The following RASAL2 variants were observed in gnomAD, a reference collection of about 807,000 sequenced individuals.
RASAL2 encodes the protein RAS protein activator like 2, also known as ras GTPase-activating protein nGAP.
In RASAL2, 58 loss-of-function variants were observed where a neutral mutation model predicts 128.9. That is an observed-to-expected ratio of 0.45 (90% CI 0.36 to 0.56). The LOEUF is 0.56. Ranked by LOEUF, RASAL2 falls within the 20% of genes least tolerant of loss-of-function variation. The probability of loss-of-function intolerance (pLI) is 0.00; values close to 1 mark genes in which losing one functional copy is unlikely to be tolerated. For synonymous variants in RASAL2, 561 were observed against 580.8 expected (o/e 0.97, Z 0.49); for missense variants, 1,360 against 1,601.6 (o/e 0.85, Z 2.57).
At chr1:178,181,494 A>G (rs1246334397) in intron 1 of RASAL2, among the ~76,000 whole-genome samples, 1 of 151,996 alleles carries the variant, frequency 6.6e-6, no homozygotes, top group Non-Finnish European at 1.5e-5. Context: ...AGTAGCTGGG[A>G]CTACAGGCAC....
At chr1:178,205,197 G>A (rs1349870021) in intron 1 of RASAL2, among the ~76,000 whole-genome samples, 1 of 152,036 alleles carries the variant, frequency 6.6e-6, no homozygotes, top group African/African-American at 2.4e-5. Context: ...TAGAGACTGG[G>A]TTTCACCATG....
At chr1:178,136,412 G>T (rs1462589119) in intron 1 of RASAL2, among the ~76,000 whole-genome samples, 1 of 152,078 alleles carries the variant, frequency 6.6e-6, no homozygotes, top group Non-Finnish European at 1.5e-5. Flanking sequence ...AAGATTAAAA[G>T]AAATTATGTG....
intron 3 of RASAL2, among the ~76,000 whole-genome samples, chr1:178,301,221 T>C (rs1667747200): frequency 6.6e-6 from 1 of 152,168 alleles, no homozygotes; most frequent in African/African-American, 2.4e-5. Flanking sequence ...AAGTCAGATT[T>C]TTCTCTCATC....
intron 17 of RASAL2, among the ~76,000 whole-genome samples, chr1:178,472,690 T>C (rs989743984): frequency 7.2e-5 from 11 of 152,256 alleles, no homozygotes; most frequent in Non-Finnish European, 1.3e-4. Flanking sequence ...CCTCTGGTGC[T>C]TCTTTCTTTG....
chr1:178,097,470 C>T (rs1658734519), intron 1 of RASAL2, among the ~76,000 whole-genome samples: 1 of 152,066 alleles, frequency 6.6e-6, no homozygotes, highest in African/African-American at 2.4e-5. Flanking sequence ...ATCAAAAGGT[C>T]AGTGAACTGA....
At chr1:178,313,652 A>C (rs1668363198) in intron 3 of RASAL2, among the ~76,000 whole-genome samples, 1 of 152,160 alleles carries the variant, frequency 6.6e-6, no homozygotes, top group African/African-American at 2.4e-5. Context: ...CACCACACCC[A>C]GCTAATTAAG....
At chr1:178,449,408 G>A (rs915720718) in intron 9 of RASAL2, among the ~76,000 whole-genome samples, 1 of 152,128 alleles carries the variant, frequency 6.6e-6, no homozygotes, top group African/African-American at 2.4e-5. Context: ...TCTTTCGGCA[G>A]TAATATGTCC....
chr1:178,315,155 T>C lies in RASAL2; in HGVS notation c.457+15037T>C, dbSNP rs1481584486. On this transcript the variant is annotated intron_variant, in intron 3 of 17. Transcript: ENST00000367649. ...TATGGCTGCATAGTATTCCATGGTG[T>C]ATATGTGCCACATTTTCTTAATCCA... Among the ~76,000 whole-genome samples the C allele has an allele frequency of 7.7e-4, 110 of 142,362 alleles. 1 individual carries two copies. Among genetic ancestry groups the C allele is most frequent in the African/African-American group, 2.8e-3 (103 of 37,256 alleles). 93.4% of individuals were successfully genotyped at this position (142,362 alleles called of 152,430 possible).
intron 1 of RASAL2, among the ~76,000 whole-genome samples, chr1:178,258,105 C>G (rs977164650): frequency 6.6e-6 from 1 of 151,852 alleles, no homozygotes; most frequent in Non-Finnish European, 1.5e-5. Context: ...ACGATCCTGG[C>G]TAAACGGTGA....
intron 1 of RASAL2, among the ~76,000 whole-genome samples, chr1:178,250,108 T>C (rs1330133458): frequency 1.3e-5 from 2 of 152,158 alleles, no homozygotes; most frequent in African/African-American, 4.8e-5. Flanking sequence ...GCCCTCTTTG[T>C]CAGGATCCCC....
At chr1:178,140,267 C>T (rs780330486) in intron 1 of RASAL2, among the ~76,000 whole-genome samples, 2 of 152,118 alleles carry the variant, frequency 1.3e-5, no homozygotes, top group African/African-American at 2.4e-5. Context: ...GCCACTCTCC[C>T]CCAACCACAC....
intron 1 of RASAL2, among the ~76,000 whole-genome samples, chr1:178,175,959 A>T (rs1346899127): frequency 6.6e-6 from 1 of 152,132 alleles, no homozygotes; most frequent in Non-Finnish European, 1.5e-5. Flanking sequence ...TTATTGGTTG[A>T]TGGGCACTTA....
chr1:178,461,023 A>G (rs1321381535), intron 14 of RASAL2, among the ~76,000 whole-genome samples: 2 of 152,068 alleles, frequency 1.3e-5, no homozygotes, highest in Admixed American at 6.5e-5. Context: ...CATGTTGGCC[A>G]GGTTGGTCTT....
At chr1:178,390,976 A>G (rs776292885) in intron 4 of RASAL2, among the ~76,000 whole-genome samples, 38 of 152,346 alleles carry the variant, frequency 2.5e-4, no homozygotes, top group Middle Eastern at 3.4e-3. Flanking sequence ...ACAGAGAATT[A>G]GACAATTGTG....
At position 178,283,582 on chromosome 1, in the gene RASAL2, C is replaced by T. The variant is rs1433667722; in HGVS notation, c.221C>T (p.Thr74Ile). Residue 74 changes from threonine (T) to isoleucine (I), a missense_variant, in exon 2 of 18, where the codon ACC (threonine) becomes ATC (isoleucine). Thr to Ile is a moderately conservative substitution (Grantham distance 89). Coordinates refer to ENST00000367649, the MANE Select transcript of RASAL2 (RefSeq NM_170692.4). ...VRVYDVKGPPTHRLSCGQSPY... is the reference protein window; with the variant it reads ...VRVYDVKGPPIHRLSCGQSPY... ...CATGCAGATGTGAAAGGACCACCCA[C>T]CCACCGTCTGTCTTGTGGTCAGTCA... 2 of 1,613,396 alleles carry T rather than the reference C, an allele frequency of 1.2e-6. No individual in the cohort carries two copies. The highest frequency in any genetic ancestry group is 1.7e-5 in the Admixed American group (1 of 59,866).
chr1:178,226,579 A>C (rs1329811489), intron 1 of RASAL2, among the ~76,000 whole-genome samples: 1 of 152,180 alleles, frequency 6.6e-6, no homozygotes, highest in Non-Finnish European at 1.5e-5. Context: ...ATTAAGGAAA[A>C]ATTTAAGCAT....
intron 2 of RASAL2, among the ~76,000 whole-genome samples, chr1:178,298,009 G>A (rs534791325): frequency 1.6e-4 from 25 of 151,984 alleles, no homozygotes; most frequent in African/African-American, 5.8e-4. Context: ...AAAATAATAG[G>A]CATTTTTAGA....
At chr1:178,446,703 C>A (rs890983471) in intron 9 of RASAL2, among the ~76,000 whole-genome samples, 1 of 152,092 alleles carries the variant, frequency 6.6e-6, no homozygotes, top group Non-Finnish European at 1.5e-5. Flanking sequence ...GAGAAGTTTG[C>A]AATGTAAGGA....
intron 17 of RASAL2, among the ~76,000 whole-genome samples, chr1:178,468,216 T>TTA (rs1253685641): frequency 6.6e-6 from 1 of 152,166 alleles, no homozygotes; most frequent in African/African-American, 2.4e-5. Context: ...CAAAAAGCAG[T>TTA]TACAGTTTTT....
Sources: gnomAD v4.1 joint callset for allele counts (sites outside exome capture counted in the v4.1 genomes callset) on GRCh38, gnomAD v4.1.1 for gene constraint, MANE v1.5 for transcripts, NCBI Gene and HGNC (gene_info 2026-07-23, HGNC 2026-07-21) for gene names.